The following ANKS1B variants were observed in gnomAD, a reference collection of about 807,000 sequenced individuals.
ANKS1B encodes the protein ankyrin repeat and sterile alpha motif domain containing 1B, also known as ankyrin repeat and sterile alpha motif domain-containing protein 1B.
ANKS1B carries 36 observed loss-of-function variants against 148.3 expected under a neutral mutation model. The ratio of observed to expected loss-of-function variants is 0.24; its 90% CI spans 0.19 to 0.32. The LOEUF is 0.32. Among genes scored for constraint, ANKS1B ranks in the 10% least tolerant of loss-of-function variants. The probability of loss-of-function intolerance (pLI) is 1.00; values close to 1 mark genes in which losing one functional copy is unlikely to be tolerated. For missense variants in ANKS1B, 1,157 were observed against 1,542.6 expected (o/e 0.75, Z 4.19); for synonymous variants, 542 against 560.8 (o/e 0.97, Z 0.47).
At chr12:98,760,886 A>T (rs1454019703) in intron 25 of ANKS1B, among the ~76,000 whole-genome samples, 4 of 152,208 alleles carry the variant, frequency 2.6e-5, no homozygotes, top group Admixed American at 2.6e-4. Context: ...CTCTGCACGA[A>T]GTCAAACTGC....
At chr12:99,505,100 C>T (rs984130911) in intron 9 of ANKS1B, among the ~76,000 whole-genome samples, 2 of 152,072 alleles carry the variant, frequency 1.3e-5, no homozygotes, top group African/African-American at 4.8e-5. Context: ...TAAGGAGGCT[C>T]TTTCAGAGCC....
chr12:99,495,069 G>A (rs774722710), intron 10 of ANKS1B, among the ~76,000 whole-genome samples: 5 of 152,196 alleles, frequency 3.3e-5, no homozygotes, highest in African/African-American at 7.2e-5. Flanking sequence ...CAGAACAAGA[G>A]TGGAATGTGA....
chr12:99,849,073 C>CA (rs1166207356), intron 1 of ANKS1B, among the ~76,000 whole-genome samples: 2 of 151,900 alleles, frequency 1.3e-5, no homozygotes, highest in Non-Finnish European at 2.9e-5. Context: ...CAAGGGTTGA[C>CA]AAACTACCTA....
chr12:99,467,056 C>T (rs563637564), intron 10 of ANKS1B, among the ~76,000 whole-genome samples: 18 of 152,304 alleles, frequency 1.2e-4, no homozygotes, highest in African/African-American at 3.8e-4. Flanking sequence ...TATTGGCAAA[C>T]CTAATCCAGC....
chr12:99,327,325 TTATA>T (rs1473360917), intron 12 of ANKS1B, among the ~76,000 whole-genome samples: 2 of 117,940 alleles, frequency 1.7e-5, no homozygotes, highest in South Asian at 2.2e-4. Flanking sequence ...TAATTACATA[TTATA>T]TATAATTATA....
At chr12:99,594,556 C>T (rs2097737333) in intron 9 of ANKS1B, among the ~76,000 whole-genome samples, 1 of 151,932 alleles carries the variant, frequency 6.6e-6, no homozygotes, top group South Asian at 2.1e-4. Context: ...AGAAGTAAAT[C>T]CTGCAATATG....
intron 11 of ANKS1B, among the ~76,000 whole-genome samples, chr12:99,420,678 G>C (rs2095054438): frequency 6.6e-6 from 1 of 152,062 alleles, no homozygotes; most frequent in Non-Finnish European, 1.5e-5. Context: ...TGATATGAAG[G>C]GGTATAAGTA....
intron 9 of ANKS1B, among the ~76,000 whole-genome samples, chr12:99,559,832 T>TA (rs1285850333): frequency 6.6e-6 from 1 of 152,156 alleles, no homozygotes; most frequent in Non-Finnish European, 1.5e-5. Context: ...AGTTTTGATA[T>TA]AAAAATCATA....
At chr12:99,965,613 T>C (rs2095475741) in intron 1 of ANKS1B, among the ~76,000 whole-genome samples, 1 of 152,142 alleles carries the variant, frequency 6.6e-6, no homozygotes, top group South Asian at 2.1e-4. Flanking sequence ...CATCCCTCTG[T>C]GGCATTCCCA....
chr12:99,729,971 A>G lies in ANKS1B; in HGVS notation c.1128+42951T>C, dbSNP rs116714968. 8.4e-3 allele frequency among the ~76,000 whole-genome samples: 1,274 copies of G among 152,314 alleles called. 20 individuals are homozygous for G. The highest frequency in any genetic ancestry group is 0.029 in the African/African-American group (1,217 of 41,568). On this transcript the variant is annotated intron_variant, in intron 8 of 26. Transcript: ENST00000683438. ...GACTATTTTCCACCTGCAGTGTTAA[A>G]TCTTTGGTGCTGCTCCTCAAGGAGT...
chr12:98,752,408 G>A (rs1410965385), intron 25 of ANKS1B, among the ~76,000 whole-genome samples: 1 of 151,994 alleles, frequency 6.6e-6, no homozygotes, highest in Non-Finnish European at 1.5e-5. Context: ...ACAGGCACGT[G>A]CCACCACGCC....
intron 9 of ANKS1B, among the ~76,000 whole-genome samples, chr12:99,528,437 A>AC (rs928164827): frequency 1.4e-4 from 14 of 98,534 alleles, no homozygotes; most frequent in South Asian, 1.2e-3. Flanking sequence ...AAAAACAAAA[A>AC]AAAAAACAAA....
intron 1 of ANKS1B, among the ~76,000 whole-genome samples, chr12:99,862,502 T>A (rs2090164162): frequency 6.6e-6 from 1 of 152,228 alleles, no homozygotes; most frequent in Admixed American, 6.5e-5. Context: ...TCTCTAACAG[T>A]ATGCTATTAT....
chr12:99,436,174 AT>A (rs2095457625), intron 11 of ANKS1B, among the ~76,000 whole-genome samples: 1 of 151,902 alleles, frequency 6.6e-6, no homozygotes, highest in South Asian at 2.1e-4. Flanking sequence ...CAAAACTATT[AT>A]TCTCTCCTGA....
At chr12:99,386,825 G>A (rs796786195) in intron 12 of ANKS1B, among the ~76,000 whole-genome samples, 15 of 152,222 alleles carry the variant, frequency 9.9e-5, no homozygotes, top group South Asian at 8.3e-4. Flanking sequence ...ATGAAATAAC[G>A]AATGAAAGGT....
In ANKS1B at chr12:98,988,237, T is replaced by C. The variant is rs529506078; in HGVS notation, c.2778+64920A>G. Reference sequence around the variant, plus strand: ...ATCTAACTGAAAATTTGTTATCTTTTGATCAACATCTCCCCAATTCCCTCC... The same window carrying C: ...ATCTAACTGAAAATTTGTTATCTTTCGATCAACATCTCCCCAATTCCCTCC... On this transcript the variant is annotated intron_variant, in intron 17 of 26. Coordinates refer to ENST00000683438, the MANE Select transcript of ANKS1B (RefSeq NM_001352186.2). 3.3e-5 allele frequency among the ~76,000 whole-genome samples: 5 copies of C among 152,304 alleles called. No homozygotes were observed. The South Asian group carries it at 8.3e-4, about 25-fold the overall frequency.
At chr12:99,168,086 T>G (rs2077366691) in intron 14 of ANKS1B, among the ~76,000 whole-genome samples, 1 of 152,214 alleles carries the variant, frequency 6.6e-6, no homozygotes. Context: ...AGGAAACTTT[T>G]GGGGCTGATG....
chr12:99,375,394 T>C (rs2093350507), intron 12 of ANKS1B, among the ~76,000 whole-genome samples: 1 of 152,200 alleles, frequency 6.6e-6, no homozygotes, highest in African/African-American at 2.4e-5. Context: ...AGCTCACCTC[T>C]CAGGTCTGTC....
rs563394033 is a variant in ANKS1B, at chr12:99,548,996, T to C, written c.1273-44355A>G. Among the ~76,000 whole-genome samples, 11 of 152,134 alleles carry C rather than the reference T, an allele frequency of 7.2e-5. No homozygotes were observed. The East Asian group carries it at 1.2e-3, about 16-fold the overall frequency. On this transcript the variant is annotated intron_variant, in intron 9 of 26. Transcript: ENST00000683438. Reference sequence around the variant, plus strand: ...AGAACTGCCATGGGGACATAACATATAACAAAAAGGCATACTAGTGGGGAA... The same window carrying C: ...AGAACTGCCATGGGGACATAACATACAACAAAAAGGCATACTAGTGGGGAA...
Sources: allele counts gnomAD v4.1 joint callset (sites outside exome capture counted in the v4.1 genomes callset), GRCh38; gene constraint gnomAD v4.1.1; transcripts MANE v1.5; gene names NCBI Gene and HGNC (gene_info 2026-07-23, HGNC 2026-07-21).